The following FAM186A variants were observed in gnomAD, a reference collection of about 807,000 sequenced individuals.
The protein encoded by FAM186A is family with sequence similarity 186 member A.
In FAM186A, 163 loss-of-function variants were observed where a neutral mutation model predicts 216.8. The observed-to-expected ratio is 0.75, with a 90% CI of 0.66 to 0.86. The LOEUF is 0.86. Ranked by LOEUF, FAM186A falls within the 40% of genes least tolerant of loss-of-function variation. The pLI, the probability that FAM186A is intolerant of heterozygous loss-of-function variation, is 0.00. For synonymous variants in FAM186A, 805 were observed against 1,025.3 expected (o/e 0.79, Z 4.10); for missense variants, 2,184 against 2,746.2 (o/e 0.80, Z 4.58).
chr12:50,356,076 T>C lies in FAM186A; in HGVS notation c.756A>G (p.Thr252=). The C allele has an allele frequency of 1.9e-6, 3 of 1,551,656 alleles. No homozygotes were observed. The highest frequency in any genetic ancestry group is 2.6e-6 in the Non-Finnish European group (3 of 1,146,970). The change falls in exon 4 of 8, where the codon ACA becomes ACG. Residue 252 remains threonine (T), a synonymous_variant. Transcript: ENST00000327337. ...QELIGTTMFS[T]LENNAIKYIS... Reference sequence around the variant, plus strand: ...TATATTTAATAGCATTGTTTTCCAATGTACTGAACATTGTGGTGCCTATGA... The same window carrying C: ...TATATTTAATAGCATTGTTTTCCAACGTACTGAACATTGTGGTGCCTATGA...
intron 1 of FAM186A, among the ~76,000 whole-genome samples, chr12:50,367,089 G>A (rs936750788): frequency 4.6e-5 from 7 of 151,888 alleles, no homozygotes; most frequent in East Asian, 1.9e-4. Flanking sequence ...GGCCATATAC[G>A]AAAAGCCCAC....
intron 3 of FAM186A, among the ~76,000 whole-genome samples, chr12:50,359,825 C>G (rs1247799611): frequency 6.6e-6 from 1 of 152,108 alleles, no homozygotes; most frequent in Non-Finnish European, 1.5e-5. Flanking sequence ...TGTGAAATAT[C>G]CAGATAAAAC....
rs1233526638 is a variant in FAM186A at position 50,353,918 on chromosome 12, C to T, written c.2914G>A (p.Glu972Lys). 6.4e-7 allele frequency: 1 copy of T among 1,553,288 alleles called. No homozygotes were observed. Among genetic ancestry groups the T allele is most frequent in the Non-Finnish European group, 8.7e-7 (1 of 1,147,914 alleles). The change falls in exon 4 of 8, where the codon GAG becomes AAG. Residue 972 changes from glutamate (E) to lysine (K), a missense_variant. Glu to Lys is a moderately conservative substitution (Grantham distance 56). Transcript: ENST00000327337. The stretch of plus-strand genomic sequence containing the variant: ...CTTTCGAGGTCCTCTAGCCCTCTCT[C>T]TGGCTTCTGCTTTTCCTTCCCTTTC... ...REKGKEKQKP[E>K]RGLEDLERQI...
intron 4 of FAM186A, among the ~76,000 whole-genome samples, chr12:50,347,463 G>C (rs959011922): frequency 8.5e-5 from 13 of 152,190 alleles, no homozygotes; most frequent in African/African-American, 2.6e-4. Context: ...GGGCGCGGTG[G>C]CTCACACCTG....
intron 4 of FAM186A, among the ~76,000 whole-genome samples, chr12:50,337,722 C>G (rs1355120676): frequency 6.6e-6 from 1 of 151,874 alleles, no homozygotes; most frequent in Non-Finnish European, 1.5e-5. Context: ...ACGGTGAAAC[C>G]CCGTCCCTAC....
intron 1 of FAM186A, among the ~76,000 whole-genome samples, chr12:50,374,941 G>A (rs1943182973): frequency 6.6e-6 from 1 of 152,180 alleles, no homozygotes; most frequent in African/African-American, 2.4e-5. Flanking sequence ...ACTTTGGGAG[G>A]CCAAGGCTGG....
At chr12:50,328,645 C>T (rs543999971) in intron 7 of FAM186A, among the ~76,000 whole-genome samples, 1 of 152,038 alleles carries the variant, frequency 6.6e-6, no homozygotes, top group East Asian at 2.0e-4. Flanking sequence ...GTAGCTGGGA[C>T]TACAGGTGTG....
chr12:50,331,044 A>G (rs1004005568), intron 6 of FAM186A, among the ~76,000 whole-genome samples: 3 of 152,080 alleles, frequency 2.0e-5, no homozygotes, highest in Non-Finnish European at 4.4e-5. Flanking sequence ...TTCCTTCCCA[A>G]AGCTCCTGCC....
At chr12:50,361,038 G>A in intron 2 of FAM186A, 112 bp from the exon 3 acceptor site, 2 of 728,310 alleles carry the variant, frequency 2.7e-6, no homozygotes, top group Non-Finnish European at 2.0e-6. Flanking sequence ...GGGAATATAG[G>A]TATCTCACAC....
chr12:50,327,538 TC>T, intron 7 of FAM186A, 134 bp from the exon 8 acceptor site: 1 of 581,296 alleles, frequency 1.7e-6, no homozygotes. Context: ...CTGTATGTAA[TC>T]CTTTTTTTTT....
At chr12:50,372,939 A>G (rs1214487244) in intron 1 of FAM186A, among the ~76,000 whole-genome samples, 2 of 136,056 alleles carry the variant, frequency 1.5e-5, no homozygotes, top group Non-Finnish European at 3.2e-5. Context: ...GAAAGAAGGA[A>G]GGAAGGAAGG....
chr12:50,333,918 A>T lies in FAM186A; in HGVS notation c.6689T>A (p.Phe2230Tyr). 6.4e-7 allele frequency: 1 copy of T among 1,550,548 alleles called. No homozygotes were observed. Among genetic ancestry groups the T allele is most frequent in the Middle Eastern group, 1.7e-4 (1 of 5,986 alleles). The change falls in exon 5 of 8, where the codon TTC becomes TAC. Residue 2230 changes from phenylalanine (F) to tyrosine (Y), a missense_variant. Physicochemically the swap from Phe to Tyr is conservative, Grantham distance 22. This residue lies in a region of FAM186A where 721 missense variants were observed against 816.4 expected (regional missense o/e 0.88). Transcript: ENST00000327337. ...GAGTGGAAAGCAGGTTACCTGGTTG[A>T]ATACGTGTATCATTTTCTTCAGGCA... Reference protein sequence around the residue: ...NQCLKKMIHVFNQLKKIHELN... With the variant: ...NQCLKKMIHVYNQLKKIHELN...
Position 50,342,771 on chromosome 12 carries a change from C to T in FAM186A, c.6503+7558G>A, listed in dbSNP as rs528410660. Among the ~76,000 whole-genome samples, 281 of 106,758 alleles carry T rather than the reference C, an allele frequency of 2.6e-3. 1 individual carries two copies. Among genetic ancestry groups the T allele is most frequent in the African/African-American group, 7.0e-3 (265 of 37,774 alleles). 70.0% of individuals were successfully genotyped at this position (106,758 alleles called of 152,430 possible). On this transcript the variant is annotated intron_variant, in intron 4 of 7. Coordinates refer to ENST00000327337, the MANE Select transcript of FAM186A (RefSeq NM_001145475.3). ...TACAGGCGTGAGCCACCGCTCCCGA[C>T]CTTTTTTTTTTTTGAGACAATGTCT...
At chr12:50,382,845 C>G (rs1423312967) in intron 1 of FAM186A, among the ~76,000 whole-genome samples, 2 of 152,120 alleles carry the variant, frequency 1.3e-5, no homozygotes, top group East Asian at 3.9e-4. Flanking sequence ...GAGATGAGGA[C>G]AGGCCTGGAT....
chr12:50,362,161 C>T (rs1363410755), intron 2 of FAM186A, among the ~76,000 whole-genome samples: 5 of 150,954 alleles, frequency 3.3e-5, no homozygotes, highest in South Asian at 2.1e-4. Flanking sequence ...TTAGTAGAGA[C>T]GAGGTTTCAC....
intron 4 of FAM186A, among the ~76,000 whole-genome samples, chr12:50,339,021 AT>A (rs906179783): frequency 2.3e-4 from 34 of 147,716 alleles, no homozygotes; most frequent in Admixed American, 2.0e-4. Flanking sequence ...GACTGTAGTA[AT>A]TTTTTTTTTT....
chr12:50,355,075 A>C lies in FAM186A; in HGVS notation c.1757T>G (p.Val586Gly). The stretch of plus-strand genomic sequence containing the variant: ...AAATTGGATCATACTGAGTGGCTCC[A>C]CTAGGCTTCTAATTTCACCTTTGCC... Reference protein sequence around the residue: ...KEGKGEIRSLVEPLSMIQFDD... With the variant: ...KEGKGEIRSLGEPLSMIQFDD... Residue 586 changes from valine (V) to glycine (G), a missense_variant, in exon 4 of 8, where the codon GTG (valine) becomes GGG (glycine). This residue lies in a region of FAM186A where 1,132 missense variants were observed against 1,263.4 expected (regional missense o/e 0.90). Transcript: ENST00000327337. 2.6e-6 allele frequency: 4 copies of C among 1,551,658 alleles called. No homozygotes were observed. Among genetic ancestry groups the C allele is most frequent in the Non-Finnish European group, 3.5e-6 (4 of 1,146,990 alleles).
chr12:50,340,153 T>G (rs1942748446), intron 4 of FAM186A, among the ~76,000 whole-genome samples: 1 of 152,112 alleles, frequency 6.6e-6, no homozygotes, highest in African/African-American at 2.4e-5. Context: ...TACTGACTTT[T>G]ACTGGTTCTT....
chr12:50,381,436 C>T (rs758493730), intron 1 of FAM186A, among the ~76,000 whole-genome samples: 25 of 151,994 alleles, frequency 1.6e-4, no homozygotes, highest in Non-Finnish European at 3.2e-4. Context: ...GGTAGCTCAT[C>T]CCAATGAGTG....
Sources: gnomAD v4.1 joint callset for allele counts (sites outside exome capture counted in the v4.1 genomes callset) on GRCh38, gnomAD v4.1.1 for gene constraint, gnomAD v4.1.1 regional missense constraint, MANE v1.5 for transcripts, NCBI Gene and HGNC (gene_info 2026-07-23, HGNC 2026-07-21) for gene names.